The following LDLRAD4 variants were observed in gnomAD, a reference collection of about 807,000 sequenced individuals.
LDLRAD4 encodes the protein low density lipoprotein receptor class A domain containing 4.
A neutral mutation model predicts 17.0 loss-of-function variants in LDLRAD4; 5 were observed. That is an observed-to-expected ratio of 0.29 (90% CI 0.15 to 0.62). The LOEUF (loss-of-function observed/expected upper bound fraction) is 0.62, where lower values mean the gene tolerates loss of function less well. LDLRAD4 is among the 20% of genes least tolerant of loss of function. The pLI is 0.84. For synonymous variants in LDLRAD4, 168 were observed against 171.8 expected (o/e 0.98, Z 0.17); for missense variants, 340 against 424.7 (o/e 0.80, Z 1.75).
intron 3 of LDLRAD4, among the ~76,000 whole-genome samples, chr18:13,499,791 G>A (rs2093581607): frequency 1.3e-5 from 2 of 150,908 alleles, no homozygotes; most frequent in African/African-American, 2.4e-5. Context: ...CTCCACACAC[G>A]TATCCTGCTG....
intron 1 of LDLRAD4, among the ~76,000 whole-genome samples, chr18:13,378,213 G>A (rs1215442474): frequency 3.3e-5 from 5 of 152,264 alleles, no homozygotes; most frequent in East Asian, 3.9e-4. Flanking sequence ...GTTTTGCTGC[G>A]TGTCCTGGTG....
chr18:13,550,623 C>T (rs112862235), intron 3 of LDLRAD4, among the ~76,000 whole-genome samples: 31 of 152,354 alleles, frequency 2.0e-4, no homozygotes, highest in African/African-American at 6.0e-4. Context: ...CGATGAGTCC[C>T]GCCGAGCAGC....
chr18:13,510,815 C>G (rs2093766408), intron 3 of LDLRAD4, among the ~76,000 whole-genome samples: 1 of 152,110 alleles, frequency 6.6e-6, no homozygotes, highest in Non-Finnish European at 1.5e-5. Context: ...AGTATGGAAG[C>G]AGAGAGGCAC....
At chr18:13,388,815 C>T (rs1462839975) in intron 2 of LDLRAD4, among the ~76,000 whole-genome samples, 3 of 152,262 alleles carry the variant, frequency 2.0e-5, no homozygotes, top group Non-Finnish European at 4.4e-5. Context: ...TCTTCCCAAC[C>T]TCGGCCGCTT....
chr18:13,577,819 T>A lies in LDLRAD4; in HGVS notation c.182-43298T>A, dbSNP rs1197045436. On this transcript the variant is annotated intron_variant, in intron 3 of 5. Transcript: ENST00000359446. ...AAAACAAAATCAGGTTGCCTGAAAA[T>A]GGACTCTTGCTTTCCAGGTGAAAAA... 2.0e-5 allele frequency among the ~76,000 whole-genome samples: 3 copies of A among 152,228 alleles called. No homozygotes were observed. In the East Asian group the frequency reaches 5.8e-4, roughly 29 times the overall value.
At chr18:13,368,897 G>T (rs1049841660) in intron 1 of LDLRAD4, among the ~76,000 whole-genome samples, 2 of 152,246 alleles carry the variant, frequency 1.3e-5, no homozygotes, top group Admixed American at 6.5e-5. Flanking sequence ...GGGGAAGGTG[G>T]CAGGAGCCCT....
chr18:13,354,582 AG>A (rs1345605456), intron 1 of LDLRAD4, among the ~76,000 whole-genome samples: 4 of 152,178 alleles, frequency 2.6e-5, no homozygotes, highest in Non-Finnish European at 5.9e-5. Context: ...ATGAAACCAA[AG>A]GGGCCTGAGA....
intron 3 of LDLRAD4, among the ~76,000 whole-genome samples, chr18:13,456,174 TG>T (rs1469326963): frequency 6.6e-6 from 1 of 152,150 alleles, no homozygotes; most frequent in Non-Finnish European, 1.5e-5. Flanking sequence ...TGCTGTGGTT[TG>T]AGGTGTGAAT....
intron 3 of LDLRAD4, among the ~76,000 whole-genome samples, chr18:13,445,672 G>T (rs1429957168): frequency 6.6e-6 from 1 of 151,682 alleles, no homozygotes; most frequent in Non-Finnish European, 1.5e-5. Context: ...GTGTTTGCGT[G>T]TGTGTGCATG....
At chr18:13,324,991 G>A (rs2081444182) in intron 1 of LDLRAD4, among the ~76,000 whole-genome samples, 2 of 152,138 alleles carry the variant, frequency 1.3e-5, no homozygotes, top group South Asian at 4.2e-4. Context: ...TTTTACACGG[G>A]ATAAAGTAAA....
chr18:13,380,520 A>G (rs773950080), intron 1 of LDLRAD4, among the ~76,000 whole-genome samples: 7 of 152,156 alleles, frequency 4.6e-5, no homozygotes, highest in Admixed American at 2.6e-4. Flanking sequence ...GGTCGGATAT[A>G]TGACTCCTTG....
intron 1 of LDLRAD4, among the ~76,000 whole-genome samples, chr18:13,229,735 C>G (rs1040881018): frequency 1.3e-5 from 2 of 152,202 alleles, no homozygotes; most frequent in African/African-American, 4.8e-5. Flanking sequence ...ACTCTTTCCT[C>G]CTGTGTGCAT....
At chr18:13,239,634 C>A (rs1227492610) in intron 1 of LDLRAD4, 1 of 152,332 alleles carries the variant, frequency 6.6e-6, no homozygotes, top group African/African-American at 2.4e-5. Flanking sequence ...TCAGTAGGCT[C>A]AGAACAGCTG....
At chr18:13,344,812 G>T (rs1487438348) in intron 1 of LDLRAD4, among the ~76,000 whole-genome samples, 2 of 152,096 alleles carry the variant, frequency 1.3e-5, no homozygotes, top group African/African-American at 4.8e-5. Context: ...TTTTAAGTTG[G>T]ATTCCTAGGT....
intron 3 of LDLRAD4, among the ~76,000 whole-genome samples, chr18:13,529,370 G>A (rs763998728): frequency 6.6e-6 from 1 of 152,236 alleles, no homozygotes; most frequent in Non-Finnish European, 1.5e-5. Context: ...AAATGGTGGT[G>A]ATGACTGTAA....
intron 3 of LDLRAD4, among the ~76,000 whole-genome samples, chr18:13,478,867 C>CT (rs1207342266): frequency 6.6e-6 from 1 of 152,166 alleles, no homozygotes; most frequent in African/African-American, 2.4e-5. Context: ...CGCTGCCTGC[C>CT]TTAAAGACTT....
intron 1 of LDLRAD4, among the ~76,000 whole-genome samples, chr18:13,229,840 C>T (rs2041985185): frequency 6.6e-6 from 1 of 152,192 alleles, no homozygotes; most frequent in Non-Finnish European, 1.5e-5. Context: ...CCACGGTTGC[C>T]ACACAGGGCT....
intron 1 of LDLRAD4, among the ~76,000 whole-genome samples, chr18:13,257,836 G>T (rs1398193733): frequency 1.3e-5 from 2 of 152,210 alleles, no homozygotes; most frequent in Non-Finnish European, 2.9e-5. Context: ...CAATGTGTCT[G>T]TCGTGCCCAG....
chr18:13,558,011 T>C (rs534998907), intron 3 of LDLRAD4, among the ~76,000 whole-genome samples: 1 of 152,350 alleles, frequency 6.6e-6, no homozygotes, highest in African/African-American at 2.4e-5. Context: ...ATGAATGGTT[T>C]TGCAAACTTT....
Sources: gnomAD v4.1 joint callset for allele counts (sites outside exome capture counted in the v4.1 genomes callset) on GRCh38, gnomAD v4.1.1 for gene constraint, MANE v1.5 for transcripts, NCBI Gene and HGNC (gene_info 2026-07-23, HGNC 2026-07-21) for gene names.